GALNT14: variants seen among roughly 807,000 people sequenced by gnomAD.
GALNT14 encodes UDP-GalNAc:polypeptide N-acetylgalactosaminyltransferase 14.
In GALNT14, 60 loss-of-function variants were observed where a neutral mutation model predicts 77.5. The observed-to-expected ratio is 0.77, with a 90% CI of 0.63 to 0.96. GALNT14 has a LOEUF of 0.96. GALNT14 is among the 40% of genes least tolerant of loss of function. The probability of loss-of-function intolerance (pLI) is 0.00; values close to 1 mark genes in which losing one functional copy is unlikely to be tolerated. For synonymous variants in GALNT14, 280 were observed against 281.7 expected, an observed-to-expected ratio of 0.99 and a Z score of 0.06; for missense variants, 710 against 731.0, an observed-to-expected ratio of 0.97 and a Z score of 0.33.
intron 1 of GALNT14, among the ~76,000 whole-genome samples, chr2:31,099,366 C>G (rs1677157440): frequency 1.3e-5 from 2 of 151,776 alleles, no homozygotes; most frequent in African/African-American, 2.4e-5. Flanking sequence ...TGTCATGTGT[C>G]TTTTCAGTTT....
chr2:31,132,538 C>A, intron 1 of GALNT14: 1 of 347,812 alleles, frequency 2.9e-6, no homozygotes, highest in Non-Finnish European at 5.8e-6. Context: ...TGCATCTCAT[C>A]ATGGGCTACT....
At chr2:31,008,033 C>T (rs1001061956) in intron 1 of GALNT14, among the ~76,000 whole-genome samples, 2 of 152,120 alleles carry the variant, frequency 1.3e-5, no homozygotes, top group Non-Finnish European at 2.9e-5. Flanking sequence ...CTCTCTTCTT[C>T]CCAAGAAGAG....
intron 2 of GALNT14, among the ~76,000 whole-genome samples, chr2:30,969,874 G>A (rs1406179635): frequency 6.6e-6 from 1 of 152,140 alleles, no homozygotes; most frequent in Admixed American, 6.5e-5. Flanking sequence ...CAGAAGCTCT[G>A]ACCATAGCTA....
intron 1 of GALNT14, among the ~76,000 whole-genome samples, chr2:31,096,219 A>G (rs1676997396): frequency 6.6e-6 from 1 of 152,188 alleles, no homozygotes; most frequent in Non-Finnish European, 1.5e-5. Flanking sequence ...TTATTTTAAG[A>G]TCAGCTAACT....
intron 1 of GALNT14, among the ~76,000 whole-genome samples, chr2:31,056,968 T>C (rs1025043248): frequency 6.6e-6 from 1 of 152,166 alleles, no homozygotes; most frequent in Non-Finnish European, 1.5e-5. Flanking sequence ...AATGAAATCA[T>C]GTCCTTTGCA....
At chr2:31,092,342 G>A (rs1443689034) in intron 1 of GALNT14, among the ~76,000 whole-genome samples, 1 of 151,458 alleles carries the variant, frequency 6.6e-6, no homozygotes, top group African/African-American at 2.4e-5. Context: ...CTTTTATAAA[G>A]GCACTAATCT....
In GALNT14 at chr2:31,042,955, AC is replaced by A. The variant is rs1673191522; in HGVS notation, c.130-49949del. ...TGAATGGCTCCCCATTTCCTTCTGA[AC>A]CTAAGCCAAAGTCCCTTTTACAGCT... On this transcript the variant is annotated intron_variant, in intron 1 of 14. Transcript: ENST00000349752. Among the ~76,000 whole-genome samples, 4 of 152,146 alleles carry A rather than the reference AC, an allele frequency of 2.6e-5. No homozygotes were observed. In the East Asian group the frequency reaches 7.8e-4, roughly 29 times the overall value.
intron 1 of GALNT14, among the ~76,000 whole-genome samples, chr2:30,993,743 C>A (rs1320436400): frequency 1.3e-5 from 2 of 152,192 alleles, no homozygotes; most frequent in East Asian, 1.9e-4. Flanking sequence ...ACCTTCTGAA[C>A]TGAGTAGGGA....
intron 2 of GALNT14, among the ~76,000 whole-genome samples, chr2:30,968,312 C>T (rs940910316): frequency 1.3e-5 from 2 of 152,254 alleles, no homozygotes; most frequent in Non-Finnish European, 2.9e-5. Context: ...CCGATGGCTG[C>T]CACTGATCTT....
chr2:30,910,951 G>A lies in GALNT14; in HGVS notation c.1609C>T (p.Pro537Ser), dbSNP rs1432902177. 1.2e-6 allele frequency: 2 copies of A among 1,613,796 alleles called. No homozygotes were observed. Among genetic ancestry groups the A allele is most frequent in the African/African-American group, 1.3e-5 (1 of 74,822 alleles). Residue 537 changes from proline (P) to serine (S), a missense_variant, in exon 15 of 15, where the codon CCA becomes TCA. Physicochemically the swap from Pro to Ser is moderately conservative, Grantham distance 74. Transcript: ENST00000349752. ...TENGKEIVVN[P>S]CESSLMSQHW... ...TGGCTCATGAGTGAGGACTCACATG[G>A]GTTGACGACGATTTCCTTGCCGTTC...
rs192939709 is a variant in GALNT14, at chr2:31,085,642, C to A, written c.129+52316G>T. On this transcript the variant is annotated intron_variant, in intron 1 of 14. Transcript: ENST00000349752. Reference sequence around the variant, plus strand: ...CTTCTCCTCCGGTATCTCCCTCCACCCTCAGGGGCTCATGAGAAGTCTCTT... The same window carrying A: ...CTTCTCCTCCGGTATCTCCCTCCACACTCAGGGGCTCATGAGAAGTCTCTT... 2.0e-5 allele frequency among the ~76,000 whole-genome samples: 3 copies of A among 152,352 alleles called. No homozygotes were observed. The East Asian group carries it at 5.8e-4, about 29-fold the overall frequency.
At chr2:30,953,039 C>T (rs1008734763) in intron 6 of GALNT14, among the ~76,000 whole-genome samples, 1 of 152,194 alleles carries the variant, frequency 6.6e-6, no homozygotes, top group African/African-American at 2.4e-5. Context: ...CCAGTTTCTT[C>T]CCCAGCTAAG....
chr2:31,099,646 T>C (rs1224922197), intron 1 of GALNT14, among the ~76,000 whole-genome samples: 1 of 152,070 alleles, frequency 6.6e-6, no homozygotes, highest in Non-Finnish European at 1.5e-5. Flanking sequence ...GTGGAACATA[T>C]TTAATCTTTT....
chr2:30,975,318 A>T (rs1251756255), intron 2 of GALNT14, among the ~76,000 whole-genome samples: 1 of 152,240 alleles, frequency 6.6e-6, no homozygotes, highest in Non-Finnish European at 1.5e-5. Flanking sequence ...GAAGCCTTCG[A>T]CAGACTGAGG....
chr2:31,106,236 G>A (rs556467636), intron 1 of GALNT14, among the ~76,000 whole-genome samples: 1 of 152,174 alleles, frequency 6.6e-6, no homozygotes, highest in African/African-American at 2.4e-5. Flanking sequence ...TTTAGATCAT[G>A]AAAGCCTTCC....
intron 1 of GALNT14, among the ~76,000 whole-genome samples, chr2:30,995,353 C>T (rs186282189): frequency 2.4e-4 from 37 of 152,178 alleles, no homozygotes; most frequent in Non-Finnish European, 2.5e-4. Context: ...CTACAGTATT[C>T]GGTGTAGGAA....
chr2:30,977,924 C>T (rs1280129053), intron 2 of GALNT14, among the ~76,000 whole-genome samples: 1 of 152,180 alleles, frequency 6.6e-6, no homozygotes, highest in Non-Finnish European at 1.5e-5. Context: ...CTATTCTTCC[C>T]GCCTGCAGAA....
chr2:31,016,058 AT>A (rs1396163586), intron 1 of GALNT14, among the ~76,000 whole-genome samples: 1 of 152,182 alleles, frequency 6.6e-6, no homozygotes, highest in Non-Finnish European at 1.5e-5. Context: ...TTCTGCATGG[AT>A]CCGCTCGGGC....
At chr2:31,081,281 T>C (rs2113490) in intron 1 of GALNT14, among the ~76,000 whole-genome samples, 77,802 of 152,080 alleles carry the variant, frequency 0.51, 20,370 homozygotes, top group African/African-American at 0.61. Context: ...ATGGCAATAA[T>C]GAAGATAAAT....
Sources: gnomAD v4.1 joint callset for allele counts (sites outside exome capture counted in the v4.1 genomes callset) on GRCh38, gnomAD v4.1.1 for gene constraint, MANE v1.5 for transcripts, NCBI Gene and HGNC (gene_info 2026-07-23, HGNC 2026-07-21) for gene names.